The following TMTC1 variants were observed in gnomAD, a reference collection of about 807,000 sequenced individuals.
TMTC1 encodes protein O-mannosyl-transferase TMTC1.
In TMTC1, 73 loss-of-function variants were observed where a neutral mutation model predicts 104.8. The observed-to-expected ratio is 0.70, with a 90% CI of 0.58 to 0.85. The LOEUF is 0.85. TMTC1 is among the 40% of genes least tolerant of loss of function. TMTC1 has a pLI of 0.00. For missense variants in TMTC1, 1,035 were observed against 1,096.1 expected (o/e 0.94, Z 0.79); for synonymous variants, 434 against 428.7 (o/e 1.01, Z -0.15).
In TMTC1 at chr12:29,585,752, T is replaced by C. The variant is rs181150706; in HGVS notation, c.1251-2178A>G. ...TTGTCAAAGATCAGATAGTTGTAGA[T>C]ATGCAGCATTATTTCTGAAGGCTCC... On this transcript the variant is annotated intron_variant, in intron 7 of 17. Coordinates refer to ENST00000539277, the MANE Select transcript of TMTC1 (RefSeq NM_001193451.2). Among the ~76,000 whole-genome samples the C allele has an allele frequency of 7.1e-3, 1,081 of 152,318 alleles. 8 individuals carry two copies. The highest frequency in any genetic ancestry group is 0.012 in the Non-Finnish European group (807 of 68,028).
chr12:29,676,481 T>C (rs957810805), intron 5 of TMTC1, among the ~76,000 whole-genome samples: 10 of 152,144 alleles, frequency 6.6e-5, no homozygotes, highest in African/African-American at 2.2e-4. Flanking sequence ...ACAAAAGCAA[T>C]AGATGTTAAT....
chr12:29,706,803 T>C (rs1941758122), intron 5 of TMTC1, among the ~76,000 whole-genome samples: 1 of 152,202 alleles, frequency 6.6e-6, no homozygotes, highest in South Asian at 2.1e-4. Flanking sequence ...TGCTGTAATT[T>C]CTCTTTCCAG....
At chr12:29,780,771 T>C (rs1008451615) in intron 1 of TMTC1, among the ~76,000 whole-genome samples, 21 of 152,204 alleles carry the variant, frequency 1.4e-4, no homozygotes, top group Non-Finnish European at 2.8e-4. Context: ...GATGTTACCA[T>C]TGGGGGAAAT....
intron 6 of TMTC1, among the ~76,000 whole-genome samples, chr12:29,615,126 G>A (rs1180511032): frequency 6.6e-6 from 1 of 152,212 alleles, no homozygotes; most frequent in Admixed American, 6.5e-5. Flanking sequence ...GCCATTTAAA[G>A]TTGCCAGGTT....
intron 11 of TMTC1, among the ~76,000 whole-genome samples, chr12:29,522,876 A>C (rs1944219510): frequency 6.6e-6 from 1 of 152,144 alleles, no homozygotes; most frequent in African/African-American, 2.4e-5. Context: ...TTGAGGATTA[A>C]ATCTATTAAA....
chr12:29,735,004 A>G lies in TMTC1; in HGVS notation c.938+16662T>C, dbSNP rs537411196. ...GTTAGCTTCTTCTACACTAGTTAAA[A>G]ATATCTAACCATTAAACAACTAAGC... On this transcript the variant is annotated intron_variant, in intron 5 of 17. Transcript: ENST00000539277. 2.6e-5 allele frequency among the ~76,000 whole-genome samples: 4 copies of G among 152,318 alleles called. No homozygotes were observed. The East Asian group carries it at 7.7e-4, about 29-fold the overall frequency.
intron 5 of TMTC1, among the ~76,000 whole-genome samples, chr12:29,727,528 C>T (rs1051015614): frequency 6.6e-6 from 1 of 152,050 alleles, no homozygotes; most frequent in African/African-American, 2.4e-5. Context: ...AGGCACCCAC[C>T]ACCACGCCTG....
intron 5 of TMTC1, among the ~76,000 whole-genome samples, chr12:29,679,303 AT>A (rs1404130618): frequency 6.6e-6 from 1 of 152,188 alleles, no homozygotes; most frequent in Non-Finnish European, 1.5e-5. Context: ...GGGTATTGAT[AT>A]GATTCATGTA....
At chr12:29,579,191 CA>C (rs1420730319) in intron 8 of TMTC1, among the ~76,000 whole-genome samples, 1 of 152,090 alleles carries the variant, frequency 6.6e-6, no homozygotes, top group Non-Finnish European at 1.5e-5. Context: ...ACCATAAGAC[CA>C]AAGTAACATT....
chr12:29,530,940 G>T (rs74569366), intron 11 of TMTC1, among the ~76,000 whole-genome samples: 1 of 152,106 alleles, frequency 6.6e-6, no homozygotes, highest in Non-Finnish European at 1.5e-5. Context: ...TCAGATTAAA[G>T]GTAACCCTTT....
chr12:29,676,714 G>A (rs1203307475), intron 5 of TMTC1, among the ~76,000 whole-genome samples: 1 of 152,134 alleles, frequency 6.6e-6, no homozygotes, highest in Non-Finnish European at 1.5e-5. Context: ...CACTAGGCAG[G>A]GGATTAAAAA....
intron 5 of TMTC1, among the ~76,000 whole-genome samples, chr12:29,634,925 C>T (rs1402509813): frequency 1.3e-5 from 2 of 152,172 alleles, no homozygotes; most frequent in Non-Finnish European, 2.9e-5. Context: ...TCTCTCCTCC[C>T]CTCCTCTGTT....
chr12:29,648,274 A>T (rs895966958), intron 5 of TMTC1, among the ~76,000 whole-genome samples: 1 of 152,228 alleles, frequency 6.6e-6, no homozygotes. Flanking sequence ...AGGCACATTC[A>T]GGTTTGACAA....
intron 5 of TMTC1, among the ~76,000 whole-genome samples, chr12:29,705,648 T>G (rs1379181672): frequency 6.6e-6 from 1 of 152,174 alleles, no homozygotes; most frequent in Non-Finnish European, 1.5e-5. Context: ...AAACCTGAAT[T>G]CAAAGTCATC....
intron 6 of TMTC1, among the ~76,000 whole-genome samples, chr12:29,632,437 T>C (rs1938346216): frequency 6.6e-6 from 1 of 152,200 alleles, no homozygotes; most frequent in African/African-American, 2.4e-5. Context: ...GCTCCTGTGA[T>C]AGCGAGTTAG....
intron 5 of TMTC1, among the ~76,000 whole-genome samples, chr12:29,661,931 G>A (rs2136646067): frequency 6.6e-6 from 1 of 152,230 alleles, no homozygotes; most frequent in South Asian, 2.1e-4. Context: ...TATAGGAATT[G>A]GGAGTTCTGG....
intron 5 of TMTC1, among the ~76,000 whole-genome samples, chr12:29,683,573 CATAA>C (rs1477040345): frequency 6.6e-6 from 1 of 152,184 alleles, no homozygotes; most frequent in African/African-American, 2.4e-5. Flanking sequence ...TTGTGTGTAA[CATAA>C]ATAAACACTA....
chr12:29,704,423 G>T (rs907113677), intron 5 of TMTC1, among the ~76,000 whole-genome samples: 4 of 152,182 alleles, frequency 2.6e-5, no homozygotes, highest in Non-Finnish European at 1.5e-5. Context: ...CATCTTGGGG[G>T]CATAGGCAGA....
In TMTC1 at chr12:29,554,838, C is replaced by G. The variant is rs34051575; in HGVS notation, c.1676+2019G>C. Among the ~76,000 whole-genome samples, 1,438 of 152,306 alleles carry G rather than the reference C, an allele frequency of 9.4e-3. 16 individuals are homozygous for G. Among genetic ancestry groups the G allele is most frequent in the South Asian group, 0.038 (181 of 4,824 alleles). ...CTAGCCTGGGTGAATGAGCAAGACT[C>G]TGTCTCAAATATATACATGAAATAA... On this transcript the variant is annotated intron_variant, in intron 10 of 17. Coordinates refer to ENST00000539277, the MANE Select transcript of TMTC1 (RefSeq NM_001193451.2).
Sources: gnomAD v4.1 joint callset for allele counts (sites outside exome capture counted in the v4.1 genomes callset) on GRCh38, gnomAD v4.1.1 for gene constraint, MANE v1.5 for transcripts, NCBI Gene and HGNC (gene_info 2026-07-23, HGNC 2026-07-21) for gene names.